SEMA3E: variants seen among roughly 807,000 people sequenced by gnomAD.
SEMA3E encodes the protein semaphorin-3E.
Under a neutral mutation model 93.6 loss-of-function variants are expected in SEMA3E, and 49 were observed. The observed-to-expected ratio is 0.52, with a 90% CI of 0.42 to 0.66. The LOEUF (loss-of-function observed/expected upper bound fraction) is 0.66. SEMA3E is among the 30% of genes least tolerant of loss of function. The pLI is 0.00. For synonymous variants in SEMA3E, 363 were observed against 330.7 expected, an observed-to-expected ratio of 1.10 and a Z score of -1.06; for missense variants, 906 against 964.8, an observed-to-expected ratio of 0.94 and a Z score of 0.81.
intron 16 of SEMA3E, among the ~76,000 whole-genome samples, chr7:83,377,930 G>A (rs950358085): frequency 1.3e-5 from 2 of 151,756 alleles, no homozygotes; most frequent in African/African-American, 4.8e-5. Flanking sequence ...CTCCACTTAG[G>A]GATGTTACTC....
At chr7:83,385,535 T>A in intron 15 of SEMA3E, 102 bp from the exon 16 acceptor site, 1 of 1,170,138 alleles carries the variant, frequency 8.5e-7, no homozygotes, top group Non-Finnish European at 1.3e-6. Flanking sequence ...ATTAACTCAT[T>A]ACTTATTGCT....
At chr7:83,478,635 T>C (rs967652459) in intron 2 of SEMA3E, among the ~76,000 whole-genome samples, 1 of 152,180 alleles carries the variant, frequency 6.6e-6, no homozygotes, top group Non-Finnish European at 1.5e-5. Context: ...TACAGTTACA[T>C]CTAATACCAG....
intron 5 of SEMA3E, among the ~76,000 whole-genome samples, chr7:83,412,151 T>C (rs2709966): frequency 0.69 from 105,347 of 151,916 alleles, 40,838 homozygotes; most frequent in South Asian, 0.89. Flanking sequence ...CTCTTCTCAC[T>C]TCACCTTCCT....
At position 83,522,080 on chromosome 7, in the gene SEMA3E, A is replaced by G. The variant is rs150724814; in HGVS notation, c.116-31806T>C. ...AGCATTATAAAGATGTGCTACTTAGAAGTGTCCTATAGATGTATCATAAAT... is the reference window on the plus strand; with the variant it reads ...AGCATTATAAAGATGTGCTACTTAGGAGTGTCCTATAGATGTATCATAAAT... On this transcript the variant is annotated intron_variant, in intron 1 of 16. Coordinates refer to ENST00000643230, the MANE Select transcript of SEMA3E (RefSeq NM_012431.3). Among the ~76,000 whole-genome samples the G allele has an allele frequency of 6.0e-3, 907 of 152,238 alleles. 9 individuals are homozygous for G. Among genetic ancestry groups the G allele is most frequent in the African/African-American group, 0.021 (859 of 41,550 alleles).
At chr7:83,493,217 T>G (rs1348691351) in intron 1 of SEMA3E, among the ~76,000 whole-genome samples, 1 of 152,008 alleles carries the variant, frequency 6.6e-6, no homozygotes, top group Non-Finnish European at 1.5e-5. Flanking sequence ...TTTCATACTG[T>G]TGGAAGCTTA....
At chr7:83,420,217 C>A (rs1397936891) in intron 4 of SEMA3E, among the ~76,000 whole-genome samples, 2 of 152,094 alleles carry the variant, frequency 1.3e-5, no homozygotes, top group African/African-American at 4.8e-5. Context: ...ACCAGAATAT[C>A]TACAAATACA....
intron 1 of SEMA3E, among the ~76,000 whole-genome samples, chr7:83,606,762 TA>T (rs200784473): frequency 0.31 from 35,346 of 115,410 alleles, 4,470 homozygotes; most frequent in East Asian, 0.43. Context: ...TAAAGTATAA[TA>T]AAAAAAAAAA....
At chr7:83,539,932 G>A (rs1485567734) in intron 1 of SEMA3E, among the ~76,000 whole-genome samples, 5 of 147,064 alleles carry the variant, frequency 3.4e-5, no homozygotes, top group Non-Finnish European at 7.4e-5. Context: ...CCAGGTTGGA[G>A]TGTAGTGGCT....
chr7:83,384,496 T>TCA (rs1223581253), intron 16 of SEMA3E, among the ~76,000 whole-genome samples: 1 of 402 alleles, frequency 2.5e-3, no homozygotes, highest in Admixed American at 0.12. Context: ...AAAATATCCA[T>TCA]TTTTTTTTCT....
At chr7:83,496,911 G>C (rs1790500922) in intron 1 of SEMA3E, among the ~76,000 whole-genome samples, 1 of 152,076 alleles carries the variant, frequency 6.6e-6, no homozygotes, top group Non-Finnish European at 1.5e-5. Flanking sequence ...TGAAATAATG[G>C]ACAGTGCTGA....
chr7:83,516,229 C>A (rs895169954), intron 1 of SEMA3E, among the ~76,000 whole-genome samples: 1 of 152,146 alleles, frequency 6.6e-6, no homozygotes, highest in Non-Finnish European at 1.5e-5. Context: ...TCTGGGCACA[C>A]TAATACATGC....
At position 83,364,009 on chromosome 7, in the gene SEMA3E, C is replaced by T. The variant is rs917292733; in HGVS notation, c.*3577G>A. Reference sequence around the variant, plus strand: ...TCCCGGGTTCACGCCATTCTCCTGCCTCAGCCTCCCAAGTAGCTGGGACTA... The same window carrying T: ...TCCCGGGTTCACGCCATTCTCCTGCTTCAGCCTCCCAAGTAGCTGGGACTA... On this transcript the variant is annotated 3_prime_UTR_variant, in exon 17 of 17. Coordinates refer to ENST00000643230, the MANE Select transcript of SEMA3E (RefSeq NM_012431.3). 6.6e-6 allele frequency: 1 copy of T among 150,530 alleles called. No individual in the cohort carries two copies. The highest frequency in any genetic ancestry group is 2.1e-4 in the South Asian group (1 of 4,776). 9.3% of individuals were successfully genotyped at this position (150,530 alleles called of 1,614,324 possible).
At chr7:83,377,536 C>T (rs1488388344) in intron 16 of SEMA3E, among the ~76,000 whole-genome samples, 4 of 151,850 alleles carry the variant, frequency 2.6e-5, no homozygotes, top group African/African-American at 9.7e-5. Flanking sequence ...AGGCAGAGGG[C>T]CAGATTTGGC....
intron 1 of SEMA3E, among the ~76,000 whole-genome samples, chr7:83,576,084 A>C (rs994143568): frequency 3.9e-5 from 6 of 152,208 alleles, no homozygotes; most frequent in Non-Finnish European, 8.8e-5. Context: ...AGGCATATAA[A>C]TCTATTAGAA....
At chr7:83,387,075 A>G in intron 14 of SEMA3E, 25 bp from the exon 15 acceptor site, 2 of 1,607,602 alleles carry the variant, frequency 1.2e-6, no homozygotes, top group Non-Finnish European at 8.5e-7. Flanking sequence ...ATGCATTTAG[A>G]TGTTCATTTT....
intron 1 of SEMA3E, among the ~76,000 whole-genome samples, chr7:83,493,565 A>C (rs1470808684): frequency 6.6e-6 from 1 of 151,932 alleles, no homozygotes; most frequent in Non-Finnish European, 1.5e-5. Context: ...TAAACCTAAT[A>C]AACAGACTAT....
At chr7:83,420,409 C>T (rs1196659133) in intron 4 of SEMA3E, among the ~76,000 whole-genome samples, 1 of 152,076 alleles carries the variant, frequency 6.6e-6, no homozygotes, top group Non-Finnish European at 1.5e-5. Flanking sequence ...ATTGCTATCC[C>T]TATCAAACTA....
At chr7:83,379,751 T>C (rs1034596493) in intron 16 of SEMA3E, among the ~76,000 whole-genome samples, 2 of 151,866 alleles carry the variant, frequency 1.3e-5, no homozygotes, top group African/African-American at 2.4e-5. Context: ...TGCAAGTAAC[T>C]CAGTCTCTCT....
At chr7:83,647,936 C>T (rs1179744518) in intron 1 of SEMA3E, among the ~76,000 whole-genome samples, 3 of 152,050 alleles carry the variant, frequency 2.0e-5, no homozygotes, top group African/African-American at 4.8e-5. Context: ...TTTTTCTCCT[C>T]GGGATTTTTA....
Sources: gnomAD v4.1 joint callset for allele counts (sites outside exome capture counted in the v4.1 genomes callset) on GRCh38, gnomAD v4.1.1 for gene constraint, MANE v1.5 for transcripts, NCBI Gene and HGNC (gene_info 2026-07-23, HGNC 2026-07-21) for gene names.